Variants in PRKCB observed in about 807,000 individuals in gnomAD.
The protein encoded by PRKCB is protein kinase C beta type.
A neutral mutation model predicts 81.5 loss-of-function variants in PRKCB; 13 were observed. That is an observed-to-expected ratio of 0.16 (90% CI 0.10 to 0.25). PRKCB has a LOEUF of 0.25. PRKCB is among the 10% of genes least tolerant of loss of function. The probability of loss-of-function intolerance (pLI) is 1.00; values close to 1 mark genes in which losing one functional copy is unlikely to be tolerated. For missense variants in PRKCB, 509 were observed against 875.7 expected, an observed-to-expected ratio of 0.58 and a Z score of 5.29; for synonymous variants, 335 against 321.4, an observed-to-expected ratio of 1.04 and a Z score of -0.45.
At chr16:24,000,371 A>G (rs1965015856) in intron 3 of PRKCB, among the ~76,000 whole-genome samples, 1 of 152,206 alleles carries the variant, frequency 6.6e-6, no homozygotes, top group Non-Finnish European at 1.5e-5. Flanking sequence ...TAAGTGGTTA[A>G]TGTGGCAGTT....
intron 2 of PRKCB, among the ~76,000 whole-genome samples, chr16:23,930,395 C>G (rs1963954480): frequency 6.6e-6 from 1 of 151,972 alleles, no homozygotes; most frequent in South Asian, 2.1e-4. Flanking sequence ...ATGGTGAAAC[C>G]CTATCTCTAC....
intron 2 of PRKCB, among the ~76,000 whole-genome samples, chr16:23,943,545 T>C (rs1390623433): frequency 2.0e-5 from 3 of 152,170 alleles, no homozygotes; most frequent in East Asian, 3.8e-4. Context: ...TTTTTAAAGA[T>C]ACATGTGTGA....
At chr16:23,934,826 A>AGAG (rs1015134712) in intron 2 of PRKCB, among the ~76,000 whole-genome samples, 2 of 152,096 alleles carry the variant, frequency 1.3e-5, no homozygotes, top group African/African-American at 4.8e-5. Flanking sequence ...TGGGGAGGAA[A>AGAG]GAGGAGGAGG....
At chr16:24,213,006 ATATT>A (rs113357248) in intron 16 of PRKCB, among the ~76,000 whole-genome samples, 10,510 of 143,706 alleles carry the variant, frequency 0.073, 499 homozygotes, top group South Asian at 0.16. Context: ...CCGTACTTGT[ATATT>A]TATTTATTTA....
chr16:23,966,951 C>T (rs571044407), intron 2 of PRKCB, among the ~76,000 whole-genome samples: 4 of 151,990 alleles, frequency 2.6e-5, no homozygotes, highest in African/African-American at 7.2e-5. Context: ...TAAGAAAAGC[C>T]GGAAACCTGG....
chr16:24,197,502 A>G (rs1967897017), intron 16 of PRKCB, among the ~76,000 whole-genome samples: 1 of 151,758 alleles, frequency 6.6e-6, no homozygotes, highest in Non-Finnish European at 1.5e-5. Flanking sequence ...GGAGAAAGGA[A>G]AAGGGGGTGT....
At chr16:24,163,106 T>A (rs1386157699) in intron 10 of PRKCB, among the ~76,000 whole-genome samples, 2 of 152,198 alleles carry the variant, frequency 1.3e-5, no homozygotes, top group East Asian at 3.9e-4. Context: ...TCTGGTTGGT[T>A]CAGCTTGGGT....
At position 24,220,261 on chromosome 16, in the gene PRKCB, G is replaced by A; in HGVS notation, c.*5445G>A. The A allele has an allele frequency of 1.1e-6, 1 of 918,590 alleles. No homozygotes were observed. Among genetic ancestry groups the A allele is most frequent in the Non-Finnish European group, 1.6e-6 (1 of 626,506 alleles). The allele number at this position is 918,590 out of a possible 1,614,324, so 56.9% of individuals were successfully genotyped here. On this transcript the variant is annotated 3_prime_UTR_variant, in exon 17 of 17. Coordinates refer to ENST00000643927, the MANE Select transcript of PRKCB (RefSeq NM_002738.7). The stretch of plus-strand genomic sequence containing the variant: ...TAGAGGGCTTTTCTTTGTATGTGTA[G>A]CTTGCTAGTTTGTTTTCTACATTTG...
rs1315378709 is a variant in PRKCB at position 24,019,642 on chromosome 16, T to C, written c.289-12494T>C. On this transcript the variant is annotated intron_variant, in intron 3 of 16. Transcript: ENST00000643927. ...AGCTAGGCATGGTAGCGTGCACCAG[T>C]AGTCCCAGACACTTCGGGGGCTGAG... Among the ~76,000 whole-genome samples, 3 of 152,070 alleles carry C rather than the reference T, an allele frequency of 2.0e-5. No homozygotes were observed. The East Asian group carries it at 5.8e-4, about 30-fold the overall frequency.
chr16:24,219,655 AAC>A lies in PRKCB; in HGVS notation c.*4886_*4887del, dbSNP rs869265824. On this transcript the variant is annotated 3_prime_UTR_variant, in exon 17 of 17. Transcript: ENST00000643927. ...ATCCTAAAGCCAAAGAAAATACAGC[AAC>A]ACACACACACACACACACACACACA... The A allele has an allele frequency of 0.13, 89,917 of 683,466 alleles. 1,459 individuals are homozygous for A. Among genetic ancestry groups the A allele is most frequent in the African/African-American group, 0.17 (5,483 of 31,388 alleles). 42.3% of individuals were successfully genotyped at this position (683,466 alleles called of 1,614,324 possible).
chr16:23,860,800 G>A (rs1002050987), intron 2 of PRKCB, among the ~76,000 whole-genome samples: 6 of 152,056 alleles, frequency 3.9e-5, no homozygotes, highest in Non-Finnish European at 5.9e-5. Flanking sequence ...CCAGCTACTC[G>A]GGAGGCTGAG....
At chr16:24,165,146 T>C (rs1967323284) in intron 10 of PRKCB, among the ~76,000 whole-genome samples, 1 of 152,230 alleles carries the variant, frequency 6.6e-6, no homozygotes, top group Non-Finnish European at 1.5e-5. Context: ...GCACAAGCCG[T>C]CCTCTCACCT....
chr16:24,187,074 C>T (rs557488895), intron 15 of PRKCB, among the ~76,000 whole-genome samples: 51 of 151,422 alleles, frequency 3.4e-4, no homozygotes, highest in African/African-American at 1.0e-3. Context: ...AGGGTGGGGG[C>T]GGGTAGAGAG....
intron 16 of PRKCB, among the ~76,000 whole-genome samples, chr16:24,197,421 C>T (rs1967895739): frequency 6.6e-6 from 1 of 151,952 alleles, no homozygotes; most frequent in African/African-American, 2.4e-5. Context: ...TGCAAAGGCC[C>T]TGAGGCAGGA....
chr16:23,902,202 T>G (rs930354879), intron 2 of PRKCB, among the ~76,000 whole-genome samples: 1 of 152,164 alleles, frequency 6.6e-6, no homozygotes, highest in Non-Finnish European at 1.5e-5. Context: ...TTTCTGAAAC[T>G]TGGATTTTTC....
At chr16:24,188,907 C>T (rs530183131) in intron 15 of PRKCB, among the ~76,000 whole-genome samples, 11 of 152,244 alleles carry the variant, frequency 7.2e-5, no homozygotes, top group Non-Finnish European at 1.3e-4. Flanking sequence ...GGGTAATGGC[C>T]GGGAAGCCTT....
chr16:24,043,156 T>G (rs1047038469), intron 5 of PRKCB, among the ~76,000 whole-genome samples: 1 of 152,352 alleles, frequency 6.6e-6, no homozygotes, highest in African/African-American at 2.4e-5. Context: ...AGGGAAGGTA[T>G]GAACCAGAGA....
At chr16:24,139,721 T>C (rs1966881371) in intron 9 of PRKCB, among the ~76,000 whole-genome samples, 1 of 152,244 alleles carries the variant, frequency 6.6e-6, no homozygotes. Context: ...AAAATTAGCT[T>C]ATCTATCACA....
At chr16:23,897,392 C>T (rs1177623814) in intron 2 of PRKCB, among the ~76,000 whole-genome samples, 1 of 152,120 alleles carries the variant, frequency 6.6e-6, no homozygotes, top group Non-Finnish European at 1.5e-5. Context: ...CACTACAGCT[C>T]GCTGATGTGT....
Sources: gnomAD v4.1 joint callset for allele counts (sites outside exome capture counted in the v4.1 genomes callset) on GRCh38, gnomAD v4.1.1 for gene constraint, MANE v1.5 for transcripts, NCBI Gene and HGNC (gene_info 2026-07-23, HGNC 2026-07-21) for gene names.